ELAVL4: variants seen among roughly 807,000 people sequenced by gnomAD.
The protein encoded by ELAVL4 is ELAV-like protein 4.
A neutral mutation model predicts 35.6 loss-of-function variants in ELAVL4; 1 was observed. That is an observed-to-expected ratio of 0.03 (90% confidence interval 0.01 to 0.13). ELAVL4 has a LOEUF of 0.13. Among genes scored for constraint, ELAVL4 ranks in the 10% least tolerant of loss-of-function variants. The pLI is 1.00. For missense variants in ELAVL4, 267 were observed against 464.9 expected (o/e 0.57, Z 3.91); for synonymous variants, 156 against 171.0 (o/e 0.91, Z 0.69).
At chr1:50,137,176 T>A (rs941423049) in intron 1 of ELAVL4, among the ~76,000 whole-genome samples, 2 of 152,150 alleles carry the variant, frequency 1.3e-5, no homozygotes, top group African/African-American at 4.8e-5. Context: ...GAACAGTTTG[T>A]GGACTTTCCA....
rs538349574 is a variant in ELAVL4 at position 50,158,394 on chromosome 1, G to T, written c.250+13197G>T. Among the ~76,000 whole-genome samples the T allele has an allele frequency of 2.4e-4, 37 of 152,256 alleles. 1 individual carries two copies. The South Asian group carries it at 7.5e-3, about 31-fold the overall frequency. ...CAGGGTCGTATGCCTAGTTCATTAA[G>T]TGTAGATACTCTGTTTGTGTGTGTG... On this transcript the variant is annotated intron_variant, in intron 2 of 6. Coordinates refer to ENST00000371824, the MANE Select transcript of ELAVL4 (RefSeq NM_001144774.3).
intron 3 of ELAVL4, 101 bp downstream of exon 3, chr1:50,177,293 C>CT: frequency 1.2e-6 from 1 of 868,840 alleles, no homozygotes; most frequent in Non-Finnish European, 1.9e-6. Flanking sequence ...AAGCAGTGTT[C>CT]TTGATTTATT....
chr1:50,093,953 A>G (rs1665604779), intron 1 of ELAVL4, among the ~76,000 whole-genome samples: 2 of 152,242 alleles, frequency 1.3e-5, no homozygotes, highest in Admixed American at 6.5e-5. Context: ...CAGAGATAAT[A>G]ATAACAGTAC....
At chr1:50,104,816 T>TA (rs1666179505), upstream of ELAVL4, among the ~76,000 whole-genome samples, 1 of 152,242 alleles carries the variant, frequency 6.6e-6, no homozygotes, top group Non-Finnish European at 1.5e-5. Context: ...CCTTTTAACA[T>TA]ACCCCCAATC....
chr1:50,086,210 T>G (rs548115543), intron 1 of ELAVL4, among the ~76,000 whole-genome samples: 40 of 152,210 alleles, frequency 2.6e-4, no homozygotes, highest in African/African-American at 9.4e-4. Flanking sequence ...TTTAAGCTTA[T>G]AAGAGTCCAA....
chr1:50,173,045 CCAAA>C (rs1383372705), intron 2 of ELAVL4, among the ~76,000 whole-genome samples: 3 of 152,138 alleles, frequency 2.0e-5, no homozygotes, highest in Non-Finnish European at 4.4e-5. Flanking sequence ...CCCAAACTTA[CCAAA>C]CATTCTGGTT....
intron 1 of ELAVL4, among the ~76,000 whole-genome samples, chr1:50,055,016 C>T (rs1663581074): frequency 6.6e-6 from 1 of 152,230 alleles, no homozygotes; most frequent in African/African-American, 2.4e-5. Context: ...CTTTCTCTCT[C>T]TCTATGGGTT....
In ELAVL4 at chr1:50,087,996, A is replaced by T. The variant is rs529422777; in HGVS notation, c.18+39814A>T. Among the ~76,000 whole-genome samples, 6 of 152,362 alleles carry T rather than the reference A, an allele frequency of 3.9e-5. No individual in the cohort carries two copies. In the South Asian group the frequency reaches 1.2e-3, roughly 32 times the overall value. ...AAATTCTGGTTTCTAGACCCAGTAG[A>T]CATACAAATTACAAGATCATTGAGG... On this transcript the variant is annotated intron_variant, in intron 1 of 6. Transcript: ENST00000448907.
intron 1 of ELAVL4, among the ~76,000 whole-genome samples, chr1:50,130,834 G>T (rs752193107): frequency 1.3e-5 from 2 of 152,066 alleles, no homozygotes; most frequent in Non-Finnish European, 2.9e-5. Context: ...CTTCAGTTTG[G>T]GGGAGGGGCT....
At chr1:50,179,086 G>A (rs540028701) in intron 3 of ELAVL4, among the ~76,000 whole-genome samples, 1 of 152,030 alleles carries the variant, frequency 6.6e-6, no homozygotes, top group South Asian at 2.1e-4. Context: ...TATCTAAGTG[G>A]ATCTTAGAGA....
At chr1:50,154,657 T>C (rs1049721514) in intron 2 of ELAVL4, among the ~76,000 whole-genome samples, 2 of 152,188 alleles carry the variant, frequency 1.3e-5, no homozygotes, top group Admixed American at 1.3e-4. Context: ...TTATACTCAG[T>C]ACTTCCTTTG....
In ELAVL4 at chr1:50,114,245, G is replaced by T. The variant is rs1285077371; in HGVS notation, c.9+5047G>T. ...ATGGATATGTGTATATGTATGGGGGGCGGTGGGCAGGATGTTTTTCTTTGA... is the reference window on the plus strand; with the variant it reads ...ATGGATATGTGTATATGTATGGGGGTCGGTGGGCAGGATGTTTTTCTTTGA... On this transcript the variant is annotated intron_variant, in intron 1 of 6. Transcript: ENST00000371824. Among the ~76,000 whole-genome samples the T allele has an allele frequency of 2.1e-4, 32 of 152,000 alleles. 1 individual carries two copies.
Position 50,189,622 on chromosome 1 carries a change from T to C in ELAVL4, c.355-4143T>C, listed in dbSNP as rs540910104. 1.7e-4 allele frequency among the ~76,000 whole-genome samples: 26 copies of C among 152,292 alleles called. No homozygotes were observed. In the South Asian group the frequency reaches 4.6e-3, roughly 27 times the overall value. On this transcript the variant is annotated intron_variant, in intron 3 of 6. Coordinates refer to ENST00000371824, the MANE Select transcript of ELAVL4 (RefSeq NM_001144774.3). ...TCCACATGTTTTTTTTGTTTGTTTT[T>C]TGGGGGTTTTTTTCCGGTGAAATTG...
chr1:50,135,071 T>C (rs1671655769), intron 1 of ELAVL4, among the ~76,000 whole-genome samples: 1 of 152,266 alleles, frequency 6.6e-6, no homozygotes. Flanking sequence ...CCTGCTATTT[T>C]AAGTATTAAT....
At chr1:50,135,703 C>T (rs1671770080) in intron 1 of ELAVL4, among the ~76,000 whole-genome samples, 1 of 152,130 alleles carries the variant, frequency 6.6e-6, no homozygotes, top group African/African-American at 2.4e-5. Flanking sequence ...GTTATTTGTG[C>T]CTCTGCCCAA....
intron 1 of ELAVL4, among the ~76,000 whole-genome samples, chr1:50,119,676 T>C (rs1469226956): frequency 6.6e-6 from 1 of 152,098 alleles, no homozygotes; most frequent in Admixed American, 6.6e-5. Context: ...ATCTTAACAG[T>C]ATTCTTCCTG....
intron 1 of ELAVL4, among the ~76,000 whole-genome samples, chr1:50,097,037 G>A (rs571447133): frequency 6.6e-6 from 1 of 152,208 alleles, no homozygotes; most frequent in East Asian, 1.9e-4. Context: ...GCAACATAGT[G>A]AGATCTTGTC....
At chr1:50,122,133 G>T (rs1475028280) in intron 1 of ELAVL4, among the ~76,000 whole-genome samples, 1 of 151,974 alleles carries the variant, frequency 6.6e-6, no homozygotes, top group Non-Finnish European at 1.5e-5. Flanking sequence ...GCCAGGATTT[G>T]ATTTGAACCC....
intron 1 of ELAVL4, among the ~76,000 whole-genome samples, chr1:50,134,122 A>C (rs1464979416): frequency 2.0e-5 from 3 of 152,214 alleles, no homozygotes; most frequent in Non-Finnish European, 2.9e-5. Flanking sequence ...CTGAGTGTGC[A>C]TAAAACTTAA....
Sources: allele counts gnomAD v4.1 joint callset (sites outside exome capture counted in the v4.1 genomes callset), GRCh38; gene constraint gnomAD v4.1.1; transcripts MANE v1.5; gene names NCBI Gene and HGNC (gene_info 2026-07-23, HGNC 2026-07-21).